Variants in NBAS observed in about 807,000 individuals in gnomAD.
NBAS encodes the protein NAG/BC035112 fusion.
NBAS carries 219 observed loss-of-function variants against 302.5 expected under a neutral mutation model. The observed-to-expected ratio is 0.72, with a 90% confidence interval of 0.65 to 0.81. The LOEUF (loss-of-function observed/expected upper bound fraction) is 0.81. Ranked by LOEUF, NBAS falls within the 30% of genes least tolerant of loss-of-function variation. The pLI is 0.00. For synonymous variants in NBAS, 1,118 were observed against 1,021.6 expected, an observed-to-expected ratio of 1.09 and a Z score of -1.80; for missense variants, 2,932 against 2,841.6, an observed-to-expected ratio of 1.03 and a Z score of -0.72.
chr2:14,939,069 A>G, the NBAS span, among the ~76,000 whole-genome samples: 1 of 152,244 alleles, frequency 6.6e-6, no homozygotes, highest in Admixed American at 6.5e-5. Flanking sequence ...CACCACAGAT[A>G]CAGATAGAGA....
At chr2:14,825,952 T>C in the NBAS span, among the ~76,000 whole-genome samples, 3 of 152,204 alleles carry the variant, frequency 2.0e-5, no homozygotes, top group African/African-American at 7.2e-5. Context: ...TGTTGGGGGC[T>C]ACAGAGGTTA....
intron 44 of NBAS, among the ~76,000 whole-genome samples, chr2:15,261,045 CTGA>C (rs1668829478): frequency 6.6e-6 from 1 of 152,180 alleles, no homozygotes; most frequent in African/African-American, 2.4e-5. Context: ...TAAATCTGCT[CTGA>C]TGATAACAGG....
intron 21 of NBAS, among the ~76,000 whole-genome samples, chr2:15,460,631 TGGTAATACA>T (rs1423095840): frequency 1.3e-5 from 2 of 152,222 alleles, no homozygotes; most frequent in African/African-American, 4.8e-5. Flanking sequence ...GACTACCAGG[TGGTAATACA>T]GGGACTCAAT....
the NBAS span, among the ~76,000 whole-genome samples, chr2:15,157,597 C>A: frequency 1.3e-5 from 2 of 152,170 alleles, no homozygotes; most frequent in African/African-American, 2.4e-5. Flanking sequence ...CAACCGGTTC[C>A]TTTTTTTCAT....
chr2:14,896,543 C>G, the NBAS span, among the ~76,000 whole-genome samples: 4 of 152,078 alleles, frequency 2.6e-5, no homozygotes, highest in African/African-American at 9.7e-5. Context: ...CGCAAGGAAC[C>G]AATTAGCTGC....
chr2:15,498,102 G>A (rs796670946), intron 11 of NBAS, among the ~76,000 whole-genome samples: 29 of 152,270 alleles, frequency 1.9e-4, no homozygotes, highest in African/African-American at 7.0e-4. Flanking sequence ...TTTACTGAGT[G>A]TATAAAGTAC....
At position 15,238,649 on chromosome 2, in the gene NBAS, G is replaced by A; in HGVS notation, c.5762C>T (p.Ala1921Val). The A allele has an allele frequency of 6.2e-7, 1 of 1,612,680 alleles. No homozygotes were observed. Among genetic ancestry groups the A allele is most frequent in the Non-Finnish European group, 8.5e-7 (1 of 1,179,826 alleles). The change falls in exon 45 of 52, where the codon GCT (alanine) becomes GTT (valine). Residue 1921 changes from alanine to valine, a missense_variant. Physicochemically the swap from Ala to Val is moderately conservative, Grantham distance 64. Transcript: ENST00000281513. ...VEARKEMTRK[A>V]IKTVKHFIEK... Reference sequence around the variant, plus strand: ...AATAAAATGTTTGACTGTCTTAATAGCCTTTCTAGTCATCTCTTTACGGGC... The same window carrying A: ...AATAAAATGTTTGACTGTCTTAATAACCTTTCTAGTCATCTCTTTACGGGC...
chr2:15,144,111 C>A, the NBAS span, among the ~76,000 whole-genome samples: 1 of 143,270 alleles, frequency 7.0e-6, no homozygotes, highest in African/African-American at 2.6e-5. Flanking sequence ...GACTAATACA[C>A]CTTGTCACAT....
At chr2:15,153,495 A>C in the NBAS span, among the ~76,000 whole-genome samples, 1 of 152,250 alleles carries the variant, frequency 6.6e-6, no homozygotes, top group Non-Finnish European at 1.5e-5. Flanking sequence ...CAATGCAATG[A>C]CATTCTCTGA....
At chr2:15,478,183 G>C in intron 13 of NBAS, 43 bp downstream of exon 13, 1 of 1,241,544 alleles carries the variant, frequency 8.1e-7, no homozygotes. Flanking sequence ...TATAATAATA[G>C]GAGTATATTA....
the NBAS span, among the ~76,000 whole-genome samples, chr2:15,045,215 G>T: frequency 6.6e-6 from 1 of 152,314 alleles, no homozygotes; most frequent in East Asian, 1.9e-4. Flanking sequence ...AATACAATGC[G>T]ACATGATCCT....
At chr2:15,111,933 T>C in the NBAS span, among the ~76,000 whole-genome samples, 1 of 147,724 alleles carries the variant, frequency 6.8e-6, no homozygotes, top group African/African-American at 2.4e-5. Flanking sequence ...ATATATTAAT[T>C]CTACTAAAAT....
At chr2:15,417,778 G>C (rs1677020886) in intron 23 of NBAS, 66 bp from the exon 24 acceptor site, 1 of 1,448,420 alleles carries the variant, frequency 6.9e-7, no homozygotes, top group Non-Finnish European at 9.6e-7. Context: ...TAAAGTAAAA[G>C]TCTCCAGTAC....
At chr2:15,180,363 C>A (rs1475329189) in intron 50 of NBAS, 1 of 152,260 alleles carries the variant, frequency 6.6e-6, no homozygotes, top group South Asian at 2.1e-4. Context: ...TTGTAAAACA[C>A]ATTCCTCATA....
chr2:14,892,681 T>TC, the NBAS span, among the ~76,000 whole-genome samples: 8 of 151,642 alleles, frequency 5.3e-5, no homozygotes, highest in African/African-American at 1.2e-4. Flanking sequence ...TTTTTTTTTT[T>TC]CTTCTCTTTC....
the NBAS span, among the ~76,000 whole-genome samples, chr2:14,882,645 G>C: frequency 6.6e-6 from 1 of 152,150 alleles, no homozygotes; most frequent in Non-Finnish European, 1.5e-5. Flanking sequence ...GCATAAGAGA[G>C]AGTTTTAATC....
At position 15,551,593 on chromosome 2, in the gene NBAS, A is replaced by G. The variant is rs776422242; in HGVS notation, c.336-57T>C. On this transcript the variant is annotated intron_variant, in intron 5 of 51. Transcript: ENST00000281513. ...TTATCGTAACACTGTATAGAACCATAAAATACCAGATACTGTGGACTAGAC... is the reference window on the plus strand; with the variant it reads ...TTATCGTAACACTGTATAGAACCATGAAATACCAGATACTGTGGACTAGAC... 233 of 1,298,668 alleles carry G rather than the reference A, an allele frequency of 1.8e-4. 1 individual carries two copies. The highest frequency in any genetic ancestry group is 2.5e-4 in the Non-Finnish European group (230 of 910,172). 80.4% of individuals were successfully genotyped at this position (1,298,668 alleles called of 1,614,324 possible). A position where few individuals can be genotyped will look rare whatever the true frequency, so the allele number is the denominator to read the frequency against.
intron 40 of NBAS, 144 bp from the exon 41 acceptor site, chr2:15,292,910 GAAA>G: frequency 1.2e-6 from 1 of 829,766 alleles, no homozygotes; most frequent in Non-Finnish European, 2.0e-6. Flanking sequence ...CAACGGCCCT[GAAA>G]AGTCAGTTGC....
rs1301220293 is a variant in NBAS at position 15,556,632 on chromosome 2, C to T, written c.209+151G>A. On this transcript the variant is annotated intron_variant, in intron 3 of 51. Coordinates refer to ENST00000281513, the MANE Select transcript of NBAS (RefSeq NM_015909.4). ...TACTGAGATATCTTGTCAGATTCTA[C>T]CTAAATGTTTGAAATGTCTCATACT... The T allele has an allele frequency of 1.4e-5, 10 of 725,632 alleles. No homozygotes were observed. The East Asian group carries it at 1.6e-4, about 11-fold the overall frequency. 44.9% of individuals were successfully genotyped at this position (725,632 alleles called of 1,614,324 possible).
Sources: allele counts gnomAD v4.1 joint callset (sites outside exome capture counted in the v4.1 genomes callset), GRCh38; gene constraint gnomAD v4.1.1; transcripts MANE v1.5; gene names NCBI Gene and HGNC (gene_info 2026-07-23, HGNC 2026-07-21).